The following SLAIN2 variants were observed in gnomAD, a reference collection of about 807,000 sequenced individuals.
SLAIN2 encodes the protein SLAIN motif-containing protein 2.
Under a neutral mutation model 56.6 loss-of-function variants are expected in SLAIN2, and 31 were observed. The observed-to-expected ratio is 0.55, with a 90% CI of 0.41 to 0.74. The LOEUF (loss-of-function observed/expected upper bound fraction) is 0.74. Among genes scored for constraint, SLAIN2 ranks in the 30% least tolerant of loss-of-function variants. The pLI is 0.00. For missense variants in SLAIN2, 777 were observed against 754.2 expected (o/e 1.03, Z -0.35); for synonymous variants, 317 against 284.9 (o/e 1.11, Z -1.13).
chr4:48,382,639 G>A lies in SLAIN2; in HGVS notation c.934G>A (p.Gly312Ser). The A allele has an allele frequency of 6.2e-7, 1 of 1,613,460 alleles. No homozygotes were observed. Among genetic ancestry groups the A allele is most frequent in the African/African-American group, 1.3e-5 (1 of 74,952 alleles). The change falls in exon 5 of 8, where the codon GGT becomes AGT. Residue 312 changes from glycine to serine, a missense_variant. Physicochemically the swap from Gly to Ser is moderately conservative, Grantham distance 56. Transcript: ENST00000264313. ...SGSSCNSTRR[G>S]TFSDQELDAQ... is the part of the protein sequence containing the mutation. ...TTCATCTTGCAATTCTACAAGACGG[G>A]GTACTTTTAGTGATCAGGAACTTGA...
At chr4:48,371,994 GCACA>G (rs571522686) in intron 2 of SLAIN2, among the ~76,000 whole-genome samples, 33 of 139,216 alleles carry the variant, frequency 2.4e-4, no homozygotes, top group Middle Eastern at 3.6e-3. Flanking sequence ...ACACACGCGC[GCACA>G]CACACACACA....
At chr4:48,362,238 G>T (rs1390152955) in intron 1 of SLAIN2, among the ~76,000 whole-genome samples, 1 of 151,124 alleles carries the variant, frequency 6.6e-6, no homozygotes, top group Non-Finnish European at 1.5e-5. Context: ...GAAACTATTT[G>T]GTCTTTTACC....
intron 1 of SLAIN2, among the ~76,000 whole-genome samples, chr4:48,347,682 A>G (rs907892322): frequency 1.3e-5 from 2 of 152,318 alleles, no homozygotes. Flanking sequence ...AAGTACATTC[A>G]CAATGTTGTG....
intron 6 of SLAIN2, among the ~76,000 whole-genome samples, chr4:48,418,864 G>T (rs946913486): frequency 1.3e-5 from 2 of 149,032 alleles, no homozygotes. Context: ...GTGTGTGTGT[G>T]TATGTACACA....
chr4:48,343,010 A>G (rs1714768386), intron 1 of SLAIN2, among the ~76,000 whole-genome samples: 1 of 152,166 alleles, frequency 6.6e-6, no homozygotes, highest in African/African-American at 2.4e-5. Context: ...TCGTTTTATT[A>G]TAAAGATGTG....
At chr4:48,370,104 C>A in intron 2 of SLAIN2, 107 bp downstream of exon 2, 2 of 1,133,314 alleles carry the variant, frequency 1.8e-6, no homozygotes, top group South Asian at 1.6e-5. Context: ...GAGCATTTTT[C>A]AAATCTCATT....
At chr4:48,368,051 CTT>C (rs36096623) in intron 1 of SLAIN2, among the ~76,000 whole-genome samples, 6 of 88,828 alleles carry the variant, frequency 6.8e-5, no homozygotes, top group African/African-American at 1.6e-4. Context: ...GTTTTTGAGG[CTT>C]TTTTTTTTTT....
At position 48,378,046 on chromosome 4, in the gene SLAIN2, T is replaced by C. The variant is rs759964362; in HGVS notation, c.689T>C (p.Leu230Pro). 6.2e-7 allele frequency: 1 copy of C among 1,612,316 alleles called. No homozygotes were observed. ...VRPPIVKQLILPGNSGNLKSS... is the reference protein window; with the variant it reads ...VRPPIVKQLIPPGNSGNLKSS... ...CCTCCTATAGTCAAACAGCTTATAC[T>C]TCCTGGAAATTCAGGTAAGGAGAAA... The change falls in exon 3 of 8, where the codon CTT becomes CCT. Residue 230 changes from leucine (L) to proline (P), a missense_variant. Leu to Pro is a moderately conservative substitution (Grantham distance 98). Transcript: ENST00000264313.
intron 1 of SLAIN2, among the ~76,000 whole-genome samples, chr4:48,355,469 T>C (rs575347247): frequency 6.6e-6 from 1 of 152,338 alleles, no homozygotes; most frequent in Admixed American, 6.5e-5. Flanking sequence ...ATTCTAGTAA[T>C]ACTATTCCTT....
intron 4 of SLAIN2, among the ~76,000 whole-genome samples, chr4:48,380,395 A>AT (rs1409150360): frequency 6.6e-6 from 1 of 152,130 alleles, no homozygotes; most frequent in Admixed American, 6.5e-5. Flanking sequence ...TTGGGAATGA[A>AT]TATCTCCTCA....
intron 6 of SLAIN2, among the ~76,000 whole-genome samples, chr4:48,399,141 G>A (rs1406925196): frequency 1.3e-5 from 2 of 152,144 alleles, no homozygotes; most frequent in East Asian, 3.8e-4. Context: ...CATGAGCATG[G>A]AATGTTTTTC....
In SLAIN2 at chr4:48,368,051, C is replaced by CTTTTTTTTTTTTTTTTTTTTTTTTTTTT. The variant is rs36096623; in HGVS notation, c.390-1785_390-1784insTTTTTTTTTTTTTTTTTTTTTTTTTTTT. On this transcript the variant is annotated intron_variant, in intron 1 of 7. Transcript: ENST00000264313. ...TTCACTGAACGTAGTGTTTTTGAGG[C>CTTTTTTTTTTTTTTTTTTTTTTTTTTTT]TTTTTTTTTTTTTGACAGTGTTGCT... Among the ~76,000 whole-genome samples, 18 of 88,814 alleles carry CTTTTTTTTTTTTTTTTTTTTTTTTTTTT rather than the reference C, an allele frequency of 2.0e-4. 3 individuals carry two copies. The highest frequency in any genetic ancestry group is 7.6e-4 in the Admixed American group (5 of 6,574). 58.3% of individuals were successfully genotyped at this position (88,814 alleles called of 152,430 possible). A position where few individuals can be genotyped will look rare whatever the true frequency, so the allele number is the denominator to read the frequency against.
chr4:48,370,398 C>G (rs2109753135), intron 2 of SLAIN2, among the ~76,000 whole-genome samples: 1 of 152,346 alleles, frequency 6.6e-6, no homozygotes, highest in South Asian at 2.1e-4. Context: ...TGTTCTCACT[C>G]TAGCCCTTAA....
chr4:48,409,586 T>C (rs1472694180), intron 6 of SLAIN2, among the ~76,000 whole-genome samples: 1 of 152,214 alleles, frequency 6.6e-6, no homozygotes, highest in Non-Finnish European at 1.5e-5. Flanking sequence ...TTTTTGCCTA[T>C]TGTGAATAAT....
intron 2 of SLAIN2, among the ~76,000 whole-genome samples, chr4:48,370,362 A>T (rs1715632238): frequency 1.3e-5 from 2 of 152,206 alleles, no homozygotes; most frequent in Non-Finnish European, 2.9e-5. Flanking sequence ...TGGTAGAAAG[A>T]TACAAGTGGA....
At chr4:48,351,206 G>A (rs2109735450) in intron 1 of SLAIN2, among the ~76,000 whole-genome samples, 1 of 152,312 alleles carries the variant, frequency 6.6e-6, no homozygotes, top group South Asian at 2.1e-4. Flanking sequence ...GTCTGTAAGT[G>A]ACCCTTGACT....
intron 6 of SLAIN2, among the ~76,000 whole-genome samples, chr4:48,385,942 G>GT (rs532283338): frequency 0.012 from 1,689 of 139,720 alleles, 19 homozygotes; most frequent in African/African-American, 0.027. Context: ...CTAAAAAAAT[G>GT]TTTTTTTTTT....
chr4:48,409,024 C>T lies in SLAIN2; in HGVS notation c.1361-11101C>T, dbSNP rs1233155464. Among the ~76,000 whole-genome samples the T allele has an allele frequency of 2.0e-5, 3 of 152,200 alleles. No homozygotes were observed. The South Asian group carries it at 6.2e-4, about 32-fold the overall frequency. ...AGTAGCATGCTGTATTGGTTTGTAGCCTAGGAGCCATAGACTATTTTTAAA... is the reference window on the plus strand; with the variant it reads ...AGTAGCATGCTGTATTGGTTTGTAGTCTAGGAGCCATAGACTATTTTTAAA... On this transcript the variant is annotated intron_variant, in intron 6 of 7. Transcript: ENST00000264313.
rs112289566 is a variant in SLAIN2, at chr4:48,401,980, C to T, written c.1361-18145C>T. Among the ~76,000 whole-genome samples the T allele has an allele frequency of 3.9e-5, 6 of 152,290 alleles. 1 individual carries two copies. The highest frequency in any genetic ancestry group is 1.4e-4 in the African/African-American group (6 of 41,558). On this transcript the variant is annotated intron_variant, in intron 6 of 7. Transcript: ENST00000264313. Reference sequence around the variant, plus strand: ...CAGACCTGGTGGTGATGAATTCCCTCAGCATTTGCTTTTCTGAAAAGGATC... The same window carrying T: ...CAGACCTGGTGGTGATGAATTCCCTTAGCATTTGCTTTTCTGAAAAGGATC...
Sources: allele counts gnomAD v4.1 joint callset (sites outside exome capture counted in the v4.1 genomes callset), GRCh38; gene constraint gnomAD v4.1.1; transcripts MANE v1.5; gene names NCBI Gene and HGNC (gene_info 2026-07-23, HGNC 2026-07-21).